SPTAN1: variants seen among roughly 807,000 people sequenced by gnomAD.
SPTAN1 encodes the protein spectrin alpha, non-erythrocytic 1.
SPTAN1 carries 61 observed loss-of-function variants against 331.3 expected under a neutral mutation model. That is an observed-to-expected ratio of 0.18 (90% CI 0.15 to 0.23). The LOEUF is 0.23. Ranked by LOEUF, SPTAN1 falls within the 10% of genes least tolerant of loss-of-function variation. SPTAN1 has a pLI of 1.00. For missense variants in SPTAN1, 2,043 were observed against 3,147.9 expected (o/e 0.65, Z 8.40); for synonymous variants, 1,153 against 1,173.9 (o/e 0.98, Z 0.36).
Position 128,626,681 on chromosome 9 carries a change from C to T in SPTAN1, c.6570C>T (p.Ile2190=). The change falls in exon 49 of 57, where the codon ATC becomes ATT. Residue 2190 remains isoleucine (I), a synonymous_variant. Coordinates refer to ENST00000372739, the MANE Select transcript of SPTAN1 (RefSeq NM_001130438.3). ...AGACCTGGAGGAACCTACAGAAAAT[C>T]ATCAAGGTACACCTCCCGCTGCCCT... is the stretch of plus-strand genomic sequence containing the variant. ...LEETWRNLQK[I]IKERELELQK... is the part of the protein sequence containing the mutation. 6.2e-7 allele frequency: 1 copy of T among 1,608,596 alleles called. No individual in the cohort carries two copies. The highest frequency in any genetic ancestry group is 8.5e-7 in the Non-Finnish European group (1 of 1,178,086).
At chr9:128,593,743 C>A in intron 23 of SPTAN1, 1 of 248,252 alleles carries the variant, frequency 4.0e-6, no homozygotes, top group Non-Finnish European at 8.0e-6. Context: ...TACCCTCCCC[C>A]ACCTCACCCC....
At chr9:128,586,507 C>CCTAA (rs1322351835) in intron 19 of SPTAN1, among the ~76,000 whole-genome samples, 1 of 152,074 alleles carries the variant, frequency 6.6e-6, no homozygotes, top group Non-Finnish European at 1.5e-5. Flanking sequence ...TCACCTTCAA[C>CCTAA]CGTTAACATT....
In SPTAN1 at chr9:128,569,360, CT is replaced by C. The variant is rs201371607; in HGVS notation, c.363+464del. 7.7e-3 allele frequency among the ~76,000 whole-genome samples: 1,177 copies of C among 152,164 alleles called. 14 individuals are homozygous for C. Among genetic ancestry groups the C allele is most frequent in the African/African-American group, 0.026 (1,091 of 41,516 alleles). ...CAGCAAGCCTGTTAAAGCTCCAGCTCTAAGGAATGATGTGTGGCACCTATTG... is the reference window on the plus strand; with the variant it reads ...CAGCAAGCCTGTTAAAGCTCCAGCTCAAGGAATGATGTGTGGCACCTATTG... On this transcript the variant is annotated intron_variant, in intron 3 of 56. Transcript: ENST00000372739.
intron 25 of SPTAN1, 70 bp downstream of exon 25, chr9:128,598,574 C>A: frequency 8.0e-7 from 1 of 1,242,682 alleles, no homozygotes; most frequent in Non-Finnish European, 1.2e-6. Flanking sequence ...TTGTGTCTGT[C>A]ATAGCCCAAC....
intron 31 of SPTAN1, among the ~76,000 whole-genome samples, chr9:128,606,488 T>TATA (rs201215315): frequency 4.5e-3 from 29 of 6,440 alleles, no homozygotes; most frequent in Admixed American, 0.011. Flanking sequence ...TATATATATA[T>TATA]TTTTTTTTTG....
Position 128,576,811 on chromosome 9 carries a change from T to C in SPTAN1, c.652-12T>C. ...TTGTGTACAAATCCAGTCTCTTCTC[T>C]TCCTTGTTTAGGAGCAGCACCCTGA... is the stretch of plus-strand genomic sequence containing the variant. On this transcript the variant is annotated splice_polypyrimidine_tract_variant and intron_variant, in intron 5 of 56. Coordinates refer to ENST00000372739, the MANE Select transcript of SPTAN1 (RefSeq NM_001130438.3). The C allele has an allele frequency of 6.2e-7, 1 of 1,613,366 alleles. No individual in the cohort carries two copies. The highest frequency in any genetic ancestry group is 8.5e-7 in the Non-Finnish European group (1 of 1,179,980).
intron 21 of SPTAN1, among the ~76,000 whole-genome samples, 191 bp from the exon 22 acceptor site, chr9:128,591,286 T>G (rs868472303): frequency 6.6e-6 from 1 of 151,968 alleles, no homozygotes; most frequent in African/African-American, 2.4e-5. Context: ...CAGGATGGTC[T>G]CCATCTCCTG....
In SPTAN1 at chr9:128,633,595, T is replaced by C; in HGVS notation, c.*261T>C. The C allele has an allele frequency of 3.6e-6, 4 of 1,114,468 alleles. No individual in the cohort carries two copies. Among genetic ancestry groups the C allele is most frequent in the Non-Finnish European group, 5.2e-6 (4 of 772,900 alleles). The allele number at this position is 1,114,468 out of a possible 1,614,324, so 69.0% of individuals were successfully genotyped here. ...TCGAAGCAGCTGGCTCCTCCCCTTG[T>C]TCTCTCTCCCACCCTCCCCCAAATC... On this transcript the variant is annotated 3_prime_UTR_variant, in exon 57 of 57. Transcript: ENST00000372739.
chr9:128,563,434 C>T (rs1456685785), intron 1 of SPTAN1, among the ~76,000 whole-genome samples: 3 of 151,952 alleles, frequency 2.0e-5, no homozygotes, highest in Non-Finnish European at 2.9e-5. Context: ...AACAAAAAAA[C>T]GCCACTTTCT....
At chr9:128,576,671 G>A in intron 5 of SPTAN1, 152 bp from the exon 6 acceptor site, 1 of 1,027,414 alleles carries the variant, frequency 9.7e-7, no homozygotes, top group Non-Finnish European at 1.5e-6. Flanking sequence ...CTTTGGAGTT[G>A]TAGTTCACTT....
chr9:128,625,026 T>C lies in SPTAN1; in HGVS notation c.5993-77T>C. On this transcript the variant is annotated intron_variant, in intron 46 of 56. Coordinates refer to ENST00000372739, the MANE Select transcript of SPTAN1 (RefSeq NM_001130438.3). This position sits in a 1 kb window ranked among gnomAD's most constrained non-coding sequence, Gnocchi z 4.1. Reference sequence around the variant, plus strand: ...TTATCTGTACACAAAAAATGGTTTGTCTGGGTTTTGATGTTTTTCCTTTCT... The same window carrying C: ...TTATCTGTACACAAAAAATGGTTTGCCTGGGTTTTGATGTTTTTCCTTTCT... The C allele has an allele frequency of 1.4e-6, 2 of 1,408,532 alleles. No individual in the cohort carries two copies. Among genetic ancestry groups the C allele is most frequent in the Non-Finnish European group, 2.0e-6 (2 of 993,918 alleles). 87.3% of individuals were successfully genotyped at this position (1,408,532 alleles called of 1,614,324 possible). A position where few individuals can be genotyped will look rare whatever the true frequency, so the allele number is the denominator to read the frequency against.
chr9:128,610,892 C>T (rs979906679), intron 37 of SPTAN1, among the ~76,000 whole-genome samples: 1 of 152,174 alleles, frequency 6.6e-6, no homozygotes, highest in African/African-American at 2.4e-5. Context: ...GTAGATTTCT[C>T]CTCTGTCAAC....
chr9:128,578,364 C>A, intron 9 of SPTAN1, 119 bp downstream of exon 9: 1 of 1,322,158 alleles, frequency 7.6e-7, no homozygotes, highest in Non-Finnish European at 1.1e-6. Flanking sequence ...AGGTGTTTCT[C>A]ATCATGAGGA....
rs369531936 is a variant in SPTAN1, at chr9:128,593,004, C to T, written c.3177C>T (p.Ala1059=). ...GCAGGACACGCATAACTAAGGAGGC[C>T]GGCAGTGTATCTCTGCGTATGAAGC... ...IDNQTRITKE[A]GSVSLRMKQV... is the part of the protein sequence containing the mutation. The change falls in exon 23 of 57, where the codon GCC becomes GCT. Residue 1059 remains alanine (A), a synonymous_variant. Coordinates refer to ENST00000372739, the MANE Select transcript of SPTAN1 (RefSeq NM_001130438.3). The T allele has an allele frequency of 1.5e-5, 24 of 1,609,622 alleles. No individual in the cohort carries two copies. The highest frequency in any genetic ancestry group is 1.0e-4 in the South Asian group (9 of 90,028).
intron 48 of SPTAN1, 79 bp downstream of exon 48, chr9:128,626,057 C>T: frequency 6.5e-6 from 10 of 1,544,878 alleles, no homozygotes; most frequent in South Asian, 1.1e-5. Flanking sequence ...CCAGCTCTGC[C>T]ACTCCCCCTT....
Position 128,633,296 on chromosome 9 carries a change from G to C in SPTAN1, c.7396G>C (p.Asp2466His), listed in dbSNP as rs367776636. 2.7e-5 allele frequency: 43 copies of C among 1,613,888 alleles called. No homozygotes were observed. The highest frequency in any genetic ancestry group is 3.6e-5 in the Non-Finnish European group (43 of 1,180,048). The change falls in exon 57 of 57, where the codon GAC becomes CAC. Residue 2466 changes from aspartate to histidine, a missense_variant. Physicochemically the swap from Asp to His is moderately conservative, Grantham distance 81 (BLOSUM62 -1). Transcript: ENST00000372739. ...GGGCCGCGAGCTCCCCACCGCGTTC[G>C]ACTACGTGGAGTTCACCCGCTCGCT... ...GKGRELPTAF[D>H]YVEFTRSLFV...
intron 46 of SPTAN1, 192 bp from the exon 47 acceptor site, chr9:128,624,911 G>A (rs1451156550): frequency 2.0e-5 from 13 of 655,606 alleles, no homozygotes; most frequent in Non-Finnish European, 3.6e-5. Flanking sequence ...GCTGCAGGGA[G>A]CTCGTCATGG....
chr9:128,573,784 C>T (rs111395012), intron 3 of SPTAN1, among the ~76,000 whole-genome samples: 4,393 of 151,528 alleles, frequency 0.029, 192 homozygotes, highest in African/African-American at 0.1. Context: ...GACGGAGTCT[C>T]GCTCTGTCGC....
chr9:128,612,956 CG>C (rs1459903436), intron 39 of SPTAN1, among the ~76,000 whole-genome samples: 8 of 151,584 alleles, frequency 5.3e-5, no homozygotes, highest in Admixed American at 5.3e-4. Flanking sequence ...TTAATAATTG[CG>C]TAAGTTTATC....
Sources: gnomAD v4.1 joint callset for allele counts (sites outside exome capture counted in the v4.1 genomes callset) on GRCh38, gnomAD v4.1.1 for gene constraint, Gnocchi (gnomAD v3.1) non-coding constraint, MANE v1.5 for transcripts, NCBI Gene and HGNC (gene_info 2026-07-23, HGNC 2026-07-21) for gene names.